Variants in CPNE2 observed in about 807,000 individuals in gnomAD.
CPNE2 encodes the protein copine-2.
A neutral mutation model predicts 69.7 loss-of-function variants in CPNE2; 42 were observed. The ratio of observed to expected loss-of-function variants is 0.60; its 90% confidence interval spans 0.47 to 0.78. The LOEUF (loss-of-function observed/expected upper bound fraction) is 0.78, where lower values mean the gene tolerates loss of function less well. Ranked by LOEUF, CPNE2 falls within the 30% of genes least tolerant of loss-of-function variation. The pLI is 0.00. For missense variants in CPNE2, 587 were observed against 732.0 expected, an observed-to-expected ratio of 0.80 and a Z score of 2.29; for synonymous variants, 294 against 289.8, an observed-to-expected ratio of 1.01 and a Z score of -0.15.
At chr16:57,127,040 T>C (rs1219137853) in intron 11 of CPNE2, among the ~76,000 whole-genome samples, 2 of 152,200 alleles carry the variant, frequency 1.3e-5, no homozygotes, top group Non-Finnish European at 2.9e-5. Context: ...TGAGTGCACA[T>C]ACAAATGAAA....
At chr16:57,119,703 G>A in intron 7 of CPNE2, 53 bp downstream of exon 7, 2 of 1,275,848 alleles carry the variant, frequency 1.6e-6, no homozygotes, top group Non-Finnish European at 2.2e-6. Flanking sequence ...CAGCCTCCCA[G>A]TCTACCTGAG....
At chr16:57,123,687 G>A (rs570311952) in intron 10 of CPNE2, 124 of 574,182 alleles carry the variant, frequency 2.2e-4, no homozygotes, top group African/African-American at 2.1e-3. Flanking sequence ...ACAGGTCAGA[G>A]CACAGCTGCA....
intron 4 of CPNE2, among the ~76,000 whole-genome samples, chr16:57,116,511 T>A (rs547107561): frequency 6.6e-6 from 1 of 152,266 alleles, no homozygotes; most frequent in African/African-American, 2.4e-5. Flanking sequence ...ATGATCATGC[T>A]ACTGCCCTCC....
Position 57,136,491 on chromosome 16 carries a change from C to A in CPNE2, c.1169-658C>A, listed in dbSNP as rs72777124. Among the ~76,000 whole-genome samples, 583 of 152,342 alleles carry A rather than the reference C, an allele frequency of 3.8e-3. 2 individuals are homozygous for A. Among genetic ancestry groups the A allele is most frequent in the Non-Finnish European group, 5.9e-3 (398 of 68,030 alleles). ...CATCACTGCAAGCTTCGCCAAGCCC[C>A]TTCTCTGGAAAGGCCTGAGAGACCC... On this transcript the variant is annotated intron_variant, in intron 13 of 15. Transcript: ENST00000290776.
chr16:57,116,938 C>T (rs942862432), intron 4 of CPNE2, among the ~76,000 whole-genome samples: 1 of 152,168 alleles, frequency 6.6e-6, no homozygotes, highest in Non-Finnish European at 1.5e-5. Context: ...TCAGCAGTCT[C>T]GAAGTCGCCC....
chr16:57,109,069 T>A (rs564362034), intron 1 of CPNE2, among the ~76,000 whole-genome samples: 1 of 152,194 alleles, frequency 6.6e-6, no homozygotes, highest in Admixed American at 6.5e-5. Flanking sequence ...GAATTTTTAA[T>A]GTTACTGTTA....
intron 1 of CPNE2, among the ~76,000 whole-genome samples, chr16:57,098,091 G>A (rs888950904): frequency 6.6e-6 from 1 of 152,114 alleles, no homozygotes; most frequent in Non-Finnish European, 1.5e-5. Flanking sequence ...TGGGAGGGTG[G>A]GGGTGGGGGT....
At chr16:57,099,128 G>A (rs2069597062) in intron 1 of CPNE2, among the ~76,000 whole-genome samples, 1 of 152,158 alleles carries the variant, frequency 6.6e-6, no homozygotes, top group Non-Finnish European at 1.5e-5. Context: ...CCGTCCACGT[G>A]TCCTACTGCT....
intron 7 of CPNE2, among the ~76,000 whole-genome samples, chr16:57,119,962 C>G (rs1422542012): frequency 6.6e-6 from 1 of 152,160 alleles, no homozygotes; most frequent in African/African-American, 2.4e-5. Flanking sequence ...ACAGTGATTA[C>G]CAGTCTCTCT....
chr16:57,093,274 C>T (rs2069556289), intron 1 of CPNE2, among the ~76,000 whole-genome samples: 1 of 152,050 alleles, frequency 6.6e-6, no homozygotes, highest in South Asian at 2.1e-4. Context: ...GGCTCCCAGC[C>T]CCGGTACTGG....
chr16:57,106,549 C>T (rs767094912), intron 1 of CPNE2, among the ~76,000 whole-genome samples: 5 of 152,154 alleles, frequency 3.3e-5, no homozygotes, highest in East Asian at 1.9e-4. Context: ...TGTGACCACA[C>T]GTGTGTAAAT....
At chr16:57,099,194 G>A (rs1184475912) in intron 1 of CPNE2, among the ~76,000 whole-genome samples, 2 of 152,166 alleles carry the variant, frequency 1.3e-5, no homozygotes, top group Admixed American at 1.3e-4. Flanking sequence ...GCACCTAAGT[G>A]AAATCATATA....
Position 57,111,203 on chromosome 16 carries a change from G to T in CPNE2, c.180+281G>T, listed in dbSNP as rs867827663. ...ATATCTTTTTTTTTTTTTTGAGACG[G>T]AATCTCTCTGTCCCCCAGGCTGGAG... is the stretch of plus-strand genomic sequence containing the variant. On this transcript the variant is annotated intron_variant, in intron 2 of 15. Coordinates refer to ENST00000290776, the MANE Select transcript of CPNE2 (RefSeq NM_152727.6). Among the ~76,000 whole-genome samples, 93 of 145,678 alleles carry T rather than the reference G, an allele frequency of 6.4e-4. 3 individuals carry two copies. The Middle Eastern group carries it at 0.049, about 77-fold the overall frequency.
chr16:57,119,409 A>G, intron 6 of CPNE2, 131 bp downstream of exon 6: 1 of 1,126,452 alleles, frequency 8.9e-7, no homozygotes, highest in Middle Eastern at 2.0e-4. Context: ...CCTGAGGGAT[A>G]TGCTTCCTCC....
Position 57,147,793 on chromosome 16 carries a change from C to G in CPNE2, c.*135C>G. On this transcript the variant is annotated 3_prime_UTR_variant, in exon 16 of 16. Coordinates refer to ENST00000290776, the MANE Select transcript of CPNE2 (RefSeq NM_152727.6). ...TTATTTTTTACAACCGGACCTCCAC[C>G]CCCAACTTCCTCCAGCCCAGCTGGG... 1 of 510,440 alleles carries G rather than the reference C, an allele frequency of 2.0e-6. No individual in the cohort carries two copies. The highest frequency in any genetic ancestry group is 3.3e-6 in the Non-Finnish European group (1 of 304,080). 31.6% of individuals were successfully genotyped at this position (510,440 alleles called of 1,614,324 possible).
chr16:57,113,397 A>G lies in CPNE2; in HGVS notation c.290A>G (p.Asp97Gly). 6.2e-7 allele frequency: 1 copy of G among 1,614,164 alleles called. No homozygotes were observed. The highest frequency in any genetic ancestry group is 8.5e-7 in the Non-Finnish European group (1 of 1,180,020). ...EVQKLKFALF[D>G]QDKSSMRLDE... ...CAGAAGCTCAAGTTCGCGCTCTTTG[A>G]CCAGGACAAGTCCAGTATGCGGCTG... Residue 97 changes from aspartate (D) to glycine (G), a missense_variant, in exon 3 of 16, where the codon GAC becomes GGC. Asp to Gly is a moderately conservative substitution (Grantham distance 94). Coordinates refer to ENST00000290776, the MANE Select transcript of CPNE2 (RefSeq NM_152727.6).
chr16:57,103,438 C>T (rs2069628099), intron 1 of CPNE2, among the ~76,000 whole-genome samples: 1 of 152,186 alleles, frequency 6.6e-6, no homozygotes, highest in African/African-American at 2.4e-5. Flanking sequence ...TTTCCCTTTT[C>T]TACACATCAA....
intron 9 of CPNE2, 132 bp downstream of exon 9, chr16:57,121,892 G>T: frequency 2.6e-6 from 2 of 760,580 alleles, no homozygotes; most frequent in Non-Finnish European, 4.4e-6. Context: ...TGGCCCTATG[G>T]CCTTCTGAGC....
At chr16:57,147,228 G>C (rs1210183894) in intron 15 of CPNE2, 9 of 251,596 alleles carry the variant, frequency 3.6e-5, no homozygotes, top group Non-Finnish European at 6.0e-5. Context: ...TTCCCGCCAA[G>C]AAGGTGCTCA....
Sources: allele counts gnomAD v4.1 joint callset (sites outside exome capture counted in the v4.1 genomes callset), GRCh38; gene constraint gnomAD v4.1.1; transcripts MANE v1.5; gene names NCBI Gene and HGNC (gene_info 2026-07-23, HGNC 2026-07-21).